The following CDC27 variants were observed in gnomAD, a reference collection of about 807,000 sequenced individuals.
CDC27 encodes the protein cell division cycle 27, also known as cell division cycle protein 27 homolog.
A neutral mutation model predicts 109.7 loss-of-function variants in CDC27; 27 were observed. That is an observed-to-expected ratio of 0.25 (90% confidence interval 0.18 to 0.34). The LOEUF (loss-of-function observed/expected upper bound fraction) is 0.34, where lower values mean the gene tolerates loss of function less well. CDC27 is among the 10% of genes least tolerant of loss of function. CDC27 has a pLI of 1.00. For missense variants in CDC27, 579 were observed against 960.2 expected (o/e 0.60, Z 5.25); for synonymous variants, 266 against 333.9 (o/e 0.80, Z 2.22).
At chr17:47,187,493 G>C (rs2064487060) in intron 1 of CDC27, among the ~76,000 whole-genome samples, 1 of 151,814 alleles carries the variant, frequency 6.6e-6, no homozygotes, top group East Asian at 1.9e-4. Flanking sequence ...GTAGAGACAG[G>C]GTTTCACTGT....
intron 6 of CDC27, 26 bp from the exon 7 acceptor site, chr17:47,157,150 C>G: frequency 1.9e-6 from 3 of 1,541,896 alleles, no homozygotes; most frequent in Non-Finnish European, 2.6e-6. Context: ...TCTACCAAGT[C>G]ATTCACAATA....
intron 4 of CDC27, among the ~76,000 whole-genome samples, chr17:47,166,842 C>G (rs996308271): frequency 1.3e-5 from 2 of 151,986 alleles, no homozygotes; most frequent in Non-Finnish European, 2.9e-5. Flanking sequence ...TCCTCTTCAA[C>G]CCATGAATTA....
chr17:47,162,258 T>C (rs965442672), intron 4 of CDC27, among the ~76,000 whole-genome samples: 2 of 152,206 alleles, frequency 1.3e-5, no homozygotes, highest in African/African-American at 4.8e-5. Context: ...TCCCTCTTTA[T>C]TTTCACTGTT....
intron 4 of CDC27, among the ~76,000 whole-genome samples, chr17:47,163,048 G>A (rs73317687): frequency 0.016 from 2,457 of 152,188 alleles, 54 homozygotes; most frequent in African/African-American, 0.056. Flanking sequence ...AATTTAGATC[G>A]AAGTTTTTAT....
intron 15 of CDC27, among the ~76,000 whole-genome samples, chr17:47,130,478 TAAC>T (rs2062290252): frequency 2.0e-5 from 3 of 152,256 alleles, no homozygotes; most frequent in Non-Finnish European, 2.9e-5. Flanking sequence ...ATATTTTAAA[TAAC>T]TTAAAATTTA....
chr17:47,179,985 G>A (rs1013260141), intron 2 of CDC27, among the ~76,000 whole-genome samples: 6 of 152,098 alleles, frequency 3.9e-5, no homozygotes, highest in African/African-American at 7.2e-5. Flanking sequence ...GACAGTGGCC[G>A]AGTACAGTGG....
chr17:47,175,115 A>G (rs951679554), intron 2 of CDC27, among the ~76,000 whole-genome samples: 2 of 151,626 alleles, frequency 1.3e-5, no homozygotes, highest in African/African-American at 4.8e-5. Context: ...TAGCAGCACT[A>G]CTGAAGTTCC....
chr17:47,187,298 T>TTTTA (rs1412716749), intron 1 of CDC27, among the ~76,000 whole-genome samples: 1 of 152,200 alleles, frequency 6.6e-6, no homozygotes, highest in East Asian at 1.9e-4. Context: ...TGCTTTTATT[T>TTTTA]TTTATTTATT....
chr17:47,188,975 C>T (rs1468102795), intron 1 of CDC27, 171 bp downstream of exon 1: 4 of 1,478,146 alleles, frequency 2.7e-6, no homozygotes, highest in Admixed American at 4.5e-5. Flanking sequence ...GGTAACACGG[C>T]TTAGGCTGTG....
chr17:47,130,555 C>T (rs529233246), intron 15 of CDC27, among the ~76,000 whole-genome samples: 1 of 152,220 alleles, frequency 6.6e-6, no homozygotes, highest in African/African-American at 2.4e-5. Context: ...TTCTGCTATG[C>T]TCCTCCTTGG....
intron 4 of CDC27, chr17:47,161,162 T>C (rs1340073001): frequency 6.7e-6 from 1 of 148,908 alleles, no homozygotes; most frequent in Non-Finnish European, 1.5e-5. Context: ...TAGCTGGGAC[T>C]ACAAGTGCAT....
chr17:47,159,999 TTC>T lies in CDC27; in HGVS notation c.378-1698_378-1697del, dbSNP rs1804560810. The T allele has an allele frequency of 1.3e-5, 3 of 232,092 alleles. No individual in the cohort carries two copies. In the South Asian group the frequency reaches 1.6e-4, roughly 12 times the overall value. The allele number at this position is 232,092 out of a possible 1,614,324, so 14.4% of individuals were successfully genotyped here. ...TGGATGCCACTGCTGAAACCTCTGC[TTC>T]TTTTTTTTTTTTTTCAAACAAACTA... On this transcript the variant is annotated intron_variant, in intron 4 of 18. Coordinates refer to ENST00000066544, the MANE Select transcript of CDC27 (RefSeq NM_001256.6).
intron 2 of CDC27, among the ~76,000 whole-genome samples, chr17:47,174,142 G>C (rs534429774): frequency 7.8e-4 from 119 of 152,294 alleles, no homozygotes; most frequent in Non-Finnish European, 9.6e-4. Context: ...AGCAAATCCA[G>C]AGCAATCTGA....
chr17:47,137,214 C>A lies in CDC27; in HGVS notation c.1851G>T (p.Leu617Phe). 1 of 1,611,482 alleles carries A rather than the reference C, an allele frequency of 6.2e-7. No individual in the cohort carries two copies. The highest frequency in any genetic ancestry group is 8.5e-7 in the Non-Finnish European group (1 of 1,179,134). The stretch of plus-strand genomic sequence containing the variant: ...TTCGAAAACAAGCTAATGCTTTGTC[C>A]AATTCTTCAGTTAAGACAAACTCAT... ...LGHEFVLTEELDKALACFRNA... is the reference protein window; with the variant it reads ...LGHEFVLTEEFDKALACFRNA... The change falls in exon 14 of 19, where the codon TTG (leucine) becomes TTT (phenylalanine). Residue 617 changes from leucine (L) to phenylalanine (F), a missense_variant. Leu to Phe is a conservative substitution (Grantham distance 22). Around this residue, in one of 9 missense-constraint regions of CDC27, gnomAD observed 227 missense variants for 363.6 expected, o/e 0.62. Coordinates refer to ENST00000066544, the MANE Select transcript of CDC27 (RefSeq NM_001256.6).
At chr17:47,124,958 C>A (rs1355528179) in intron 16 of CDC27, among the ~76,000 whole-genome samples, 1 of 152,076 alleles carries the variant, frequency 6.6e-6, no homozygotes, top group Admixed American at 6.6e-5. Context: ...CATTCTGTCA[C>A]CCAGGCTGGA....
intron 12 of CDC27, chr17:47,139,879 C>T (rs1201986151): frequency 6.6e-6 from 1 of 151,940 alleles, no homozygotes; most frequent in Non-Finnish European, 1.5e-5. Flanking sequence ...AACTGTGTTT[C>T]TCTCCCTCTA....
intron 12 of CDC27, chr17:47,139,835 C>G (rs919727834): frequency 6.6e-6 from 1 of 152,144 alleles, no homozygotes; most frequent in African/African-American, 2.4e-5. Context: ...GCTGCCTCAT[C>G]AATTTTTTTC....
At chr17:47,126,102 C>T (rs12601027) in intron 16 of CDC27, among the ~76,000 whole-genome samples, 16,432 of 152,144 alleles carry the variant, frequency 0.11, 1,315 homozygotes, top group East Asian at 0.47. Context: ...ATCAGTACAG[C>T]ACATTAAATA....
intron 14 of CDC27, 46 bp from the exon 15 acceptor site, chr17:47,132,420 G>T: frequency 1.1e-6 from 1 of 952,326 alleles, no homozygotes; most frequent in Non-Finnish European, 1.6e-6. Flanking sequence ...TAAAGTTTAG[G>T]TTGCTAATTT....
Sources: allele counts gnomAD v4.1 joint callset (sites outside exome capture counted in the v4.1 genomes callset), GRCh38; gene constraint gnomAD v4.1.1; regional missense constraint gnomAD v4.1.1; transcripts MANE v1.5; gene names NCBI Gene and HGNC (gene_info 2026-07-23, HGNC 2026-07-21).